PPM1H: variants seen among roughly 807,000 people sequenced by gnomAD.
The protein encoded by PPM1H is protein phosphatase 1H.
Under a neutral mutation model 54.9 loss-of-function variants are expected in PPM1H, and 27 were observed. The observed-to-expected ratio is 0.49, with a 90% CI of 0.36 to 0.68. PPM1H has a LOEUF of 0.68. Ranked by LOEUF, PPM1H falls within the 30% of genes least tolerant of loss-of-function variation. The pLI, the probability that PPM1H is intolerant of heterozygous loss-of-function variation, is 0.00. For missense variants in PPM1H, 596 were observed against 667.8 expected, an observed-to-expected ratio of 0.89 and a Z score of 1.19; for synonymous variants, 305 against 270.8, an observed-to-expected ratio of 1.13 and a Z score of -1.24.
At position 62,644,786 on chromosome 12, in the gene PPM1H, A is replaced by G. The variant is rs548988494; in HGVS notation, c.*3703T>C. On this transcript the variant is annotated 3_prime_UTR_variant, in exon 10 of 10. Coordinates refer to ENST00000228705, the MANE Select transcript of PPM1H (RefSeq NM_020700.2). ...GTCTTCAAAAATCTGAGTTCCTCAC[A>G]TAAAATTCTGTGCTGTGGCCAGAGC... The G allele has an allele frequency of 1.2e-4, 18 of 152,358 alleles. No homozygotes were observed. The highest frequency in any genetic ancestry group is 4.1e-4 in the African/African-American group (17 of 41,590). The allele number at this position is 152,358 out of a possible 1,614,324, so 9.4% of individuals were successfully genotyped here.
Position 62,718,910 on chromosome 12 carries a change from T to C in PPM1H, c.1073+1261A>G, listed in dbSNP as rs554401711. Among the ~76,000 whole-genome samples, 5 of 152,334 alleles carry C rather than the reference T, an allele frequency of 3.3e-5. No homozygotes were observed. The South Asian group carries it at 1.0e-3, about 32-fold the overall frequency. On this transcript the variant is annotated intron_variant, in intron 6 of 9. Transcript: ENST00000228705. ...ATATTTTAGAGCAGGGGTAAATTCT[T>C]AGGCTTGAGAACCAGTCTGTGATGC...
chr12:62,795,051 G>C (rs1005282852), intron 3 of PPM1H, among the ~76,000 whole-genome samples: 5 of 152,112 alleles, frequency 3.3e-5, no homozygotes, highest in Non-Finnish European at 7.4e-5. Flanking sequence ...ACCTCTGACA[G>C]TGTACACAGT....
intron 6 of PPM1H, among the ~76,000 whole-genome samples, chr12:62,714,925 C>G (rs886400341): frequency 4.6e-5 from 7 of 152,226 alleles, no homozygotes; most frequent in Non-Finnish European, 7.3e-5. Flanking sequence ...GCTGGAGAAT[C>G]TGGCCTGGCG....
intron 4 of PPM1H, among the ~76,000 whole-genome samples, chr12:62,742,319 A>G (rs907990957): frequency 2.6e-5 from 4 of 152,210 alleles, no homozygotes; most frequent in African/African-American, 9.6e-5. Context: ...AGATGACAGC[A>G]TGTTCGACTG....
In PPM1H at chr12:62,647,021, G is replaced by A. The variant is rs2075789529; in HGVS notation, c.*1468C>T. The A allele has an allele frequency of 6.6e-6, 1 of 152,186 alleles. No homozygotes were observed. Among genetic ancestry groups the A allele is most frequent in the Non-Finnish European group, 1.5e-5 (1 of 68,040 alleles). 9.4% of individuals were successfully genotyped at this position (152,186 alleles called of 1,614,324 possible). A position where few individuals can be genotyped will look rare whatever the true frequency, so the allele number is the denominator to read the frequency against. The stretch of plus-strand genomic sequence containing the variant: ...ATTACTCAAAGTTGTCAAAATGGTG[G>A]CAATACCTCAGTAGCTCAGCAGGAA... On this transcript the variant is annotated 3_prime_UTR_variant, in exon 10 of 10. Coordinates refer to ENST00000228705, the MANE Select transcript of PPM1H (RefSeq NM_020700.2).
intron 9 of PPM1H, among the ~76,000 whole-genome samples, chr12:62,658,423 G>A (rs1023012946): frequency 4.0e-5 from 6 of 151,890 alleles, no homozygotes; most frequent in East Asian, 1.9e-4. Context: ...AATGGTAAGC[G>A]TCTTCTTCTC....
At chr12:62,833,193 G>A (rs1868403013) in intron 1 of PPM1H, among the ~76,000 whole-genome samples, 1 of 152,202 alleles carries the variant, frequency 6.6e-6, no homozygotes, top group South Asian at 2.1e-4. Context: ...CAGAGTGAGT[G>A]TGGAGTTTAT....
At chr12:62,763,576 C>T (rs1341812040) in intron 4 of PPM1H, among the ~76,000 whole-genome samples, 1 of 152,206 alleles carries the variant, frequency 6.6e-6, no homozygotes, top group African/African-American at 2.4e-5. Context: ...TTCCTCAGCT[C>T]TTCCTTACTT....
Position 62,646,948 on chromosome 12 carries a change from G to C in PPM1H, c.*1541C>G, listed in dbSNP as rs1239844224. 6.6e-6 allele frequency: 1 copy of C among 152,108 alleles called. No individual in the cohort carries two copies. Among genetic ancestry groups the C allele is most frequent in the East Asian group, 1.9e-4 (1 of 5,198 alleles). 9.4% of individuals were successfully genotyped at this position (152,108 alleles called of 1,614,324 possible). ...AATTAGCTCTCTAGCATGCTGGGGG[G>C]GTCACGTCAGTGACCTTTTTTCCTT... On this transcript the variant is annotated 3_prime_UTR_variant, in exon 10 of 10. Coordinates refer to ENST00000228705, the MANE Select transcript of PPM1H (RefSeq NM_020700.2).
intron 2 of PPM1H, 113 bp from the exon 3 acceptor site, chr12:62,802,273 G>C: frequency 1.3e-6 from 1 of 768,678 alleles, no homozygotes; most frequent in South Asian, 2.6e-5. Flanking sequence ...TCTGTCGTCT[G>C]CAAACAATGC....
chr12:62,775,404 T>G (rs2076604293), intron 4 of PPM1H, among the ~76,000 whole-genome samples: 1 of 152,188 alleles, frequency 6.6e-6, no homozygotes, highest in Admixed American at 6.5e-5. Context: ...CAGCTCTACC[T>G]TGTTTGTTTA....
chr12:62,721,972 G>A (rs2076266532), intron 5 of PPM1H, among the ~76,000 whole-genome samples: 1 of 151,848 alleles, frequency 6.6e-6, no homozygotes, highest in South Asian at 2.1e-4. Context: ...CATTTGTGGG[G>A]CCCGGTGAAA....
At chr12:62,675,854 G>C (rs536401618) in intron 8 of PPM1H, among the ~76,000 whole-genome samples, 3 of 152,326 alleles carry the variant, frequency 2.0e-5, no homozygotes, top group East Asian at 1.9e-4. Context: ...TGCTGCCTTA[G>C]AAGGGGAGAT....
At chr12:62,805,498 A>G (rs908909738) in intron 2 of PPM1H, among the ~76,000 whole-genome samples, 5 of 152,244 alleles carry the variant, frequency 3.3e-5, no homozygotes, top group Non-Finnish European at 2.9e-5. Context: ...TTATTTACAT[A>G]CAATAAGATA....
At chr12:62,819,276 C>T (rs61921195) in intron 2 of PPM1H, among the ~76,000 whole-genome samples, 9,754 of 151,640 alleles carry the variant, frequency 0.064, 371 homozygotes, top group East Asian at 0.16. Context: ...ATTACAGGCG[C>T]CTGCCACTGC....
At chr12:62,696,755 T>C (rs2076116949) in intron 6 of PPM1H, among the ~76,000 whole-genome samples, 1 of 152,200 alleles carries the variant, frequency 6.6e-6, no homozygotes, top group Non-Finnish European at 1.5e-5. Flanking sequence ...GGCCTTATAA[T>C]GTCCTGTCTT....
chr12:62,765,145 C>T (rs2076533945), intron 4 of PPM1H, among the ~76,000 whole-genome samples: 1 of 152,106 alleles, frequency 6.6e-6, no homozygotes, highest in African/African-American at 2.4e-5. Context: ...AGAGAGGGAA[C>T]CAGGGTCTGT....
chr12:62,677,090 G>C (rs1474580030), intron 8 of PPM1H, among the ~76,000 whole-genome samples: 2 of 152,128 alleles, frequency 1.3e-5, no homozygotes, highest in Non-Finnish European at 2.9e-5. Flanking sequence ...CCTGCAGATA[G>C]GAGCTACCCA....
chr12:62,917,994 T>C (rs1871676325), intron 1 of PPM1H, among the ~76,000 whole-genome samples: 1 of 152,212 alleles, frequency 6.6e-6, no homozygotes, highest in Non-Finnish European at 1.5e-5. Context: ...GATGAAAAAA[T>C]GTTAATTTGT....
Sources: allele counts gnomAD v4.1 joint callset (sites outside exome capture counted in the v4.1 genomes callset), GRCh38; gene constraint gnomAD v4.1.1; transcripts MANE v1.5; gene names NCBI Gene and HGNC (gene_info 2026-07-23, HGNC 2026-07-21).